C8orf34: variants seen among roughly 807,000 people sequenced by gnomAD.
C8orf34 encodes the protein uncharacterized protein C8orf34.
In C8orf34, 65 loss-of-function variants were observed where a neutral mutation model predicts 68.3. The ratio of observed to expected loss-of-function variants is 0.95; its 90% CI spans 0.78 to 1.17. The LOEUF (loss-of-function observed/expected upper bound fraction) is 1.17, where lower values mean the gene tolerates loss of function less well. C8orf34 is among the 50% of genes most tolerant of loss of function. The pLI, the probability that C8orf34 is intolerant of heterozygous loss-of-function variation, is 0.00. For missense variants in C8orf34, 664 were observed against 655.4 expected, an observed-to-expected ratio of 1.01 and a Z score of -0.14; for synonymous variants, 244 against 241.2, an observed-to-expected ratio of 1.01 and a Z score of -0.11.
intron 1 of C8orf34, among the ~76,000 whole-genome samples, chr8:68,418,338 A>G (rs1251910445): frequency 1.3e-5 from 2 of 151,368 alleles, no homozygotes; most frequent in Non-Finnish European, 2.9e-5. Flanking sequence ...TATGTTGAAT[A>G]GGAGTGGTGA....
At chr8:68,532,541 A>G (rs995769380) in intron 6 of C8orf34, among the ~76,000 whole-genome samples, 1 of 152,218 alleles carries the variant, frequency 6.6e-6, no homozygotes, top group Non-Finnish European at 1.5e-5. Flanking sequence ...TCAGACAACT[A>G]TATACACATA....
chr8:68,618,177 C>G (rs1028871063), intron 7 of C8orf34, among the ~76,000 whole-genome samples: 1 of 151,798 alleles, frequency 6.6e-6, no homozygotes, highest in South Asian at 2.1e-4. Context: ...TCTCTTTTTT[C>G]TTAGTAAAAT....
Position 68,776,384 on chromosome 8 carries a change from C to A in C8orf34, c.1405-15C>A. On this transcript the variant is annotated splice_polypyrimidine_tract_variant and intron_variant, in intron 10 of 13. Coordinates refer to ENST00000518698, the MANE Select transcript of C8orf34 (RefSeq NM_052958.4). ...TCTCCTGACCTTTTCAACCTCTCTTCCTCTTTACTTCTAGGGAGAAGCCTC... is the reference window on the plus strand; with the variant it reads ...TCTCCTGACCTTTTCAACCTCTCTTACTCTTTACTTCTAGGGAGAAGCCTC... The A allele has an allele frequency of 3.7e-6, 6 of 1,606,504 alleles. No homozygotes were observed. The highest frequency in any genetic ancestry group is 5.1e-6 in the Non-Finnish European group (6 of 1,173,412).
intron 7 of C8orf34, among the ~76,000 whole-genome samples, chr8:68,606,080 TA>T (rs1174124914): frequency 6.6e-6 from 1 of 152,108 alleles, no homozygotes; most frequent in African/African-American, 2.4e-5. Flanking sequence ...AAGTCAGGGA[TA>T]AAGCAAAATT....
chr8:68,702,348 G>A (rs377411221), intron 8 of C8orf34, among the ~76,000 whole-genome samples: 67 of 152,236 alleles, frequency 4.4e-4, no homozygotes, highest in African/African-American at 1.3e-3. Context: ...TTTACCCTAT[G>A]AGGCATATGA....
At chr8:68,639,037 C>G (rs1408391898) in intron 7 of C8orf34, among the ~76,000 whole-genome samples, 1 of 152,030 alleles carries the variant, frequency 6.6e-6, no homozygotes, top group Non-Finnish European at 1.5e-5. Context: ...AAGAGAGTAA[C>G]AGACTCTCAT....
At chr8:68,655,888 C>A (rs1819498383) in intron 8 of C8orf34, among the ~76,000 whole-genome samples, 1 of 152,170 alleles carries the variant, frequency 6.6e-6, no homozygotes, top group Admixed American at 6.5e-5. Flanking sequence ...GGTAATTATG[C>A]TGAATATCTA....
chr8:68,347,842 C>G (rs1321445693), intron 1 of C8orf34, among the ~76,000 whole-genome samples: 1 of 151,768 alleles, frequency 6.6e-6, no homozygotes, highest in Non-Finnish European at 1.5e-5. Context: ...TCAACTTCCT[C>G]ATAGATGCTG....
chr8:68,598,991 G>A (rs1490776457), intron 7 of C8orf34, among the ~76,000 whole-genome samples: 1 of 151,562 alleles, frequency 6.6e-6, no homozygotes, highest in African/African-American at 2.4e-5. Flanking sequence ...AATAGAAAAT[G>A]ACAATATGGT....
intron 10 of C8orf34, among the ~76,000 whole-genome samples, chr8:68,755,140 A>G (rs1822817875): frequency 6.6e-6 from 1 of 151,720 alleles, no homozygotes; most frequent in Admixed American, 6.6e-5. Flanking sequence ...CTTGCAGTAA[A>G]TATTTTGTAC....
intron 12 of C8orf34, among the ~76,000 whole-genome samples, chr8:68,800,352 T>A (rs1383066738): frequency 1.3e-5 from 2 of 152,160 alleles, no homozygotes. Flanking sequence ...TACAAAAGAC[T>A]GTAGAGTAAT....
intron 10 of C8orf34, among the ~76,000 whole-genome samples, chr8:68,750,114 C>G (rs1822658587): frequency 6.6e-6 from 1 of 152,018 alleles, no homozygotes; most frequent in African/African-American, 2.4e-5. Context: ...CAAGTCCACT[C>G]CTAGGAATAT....
intron 10 of C8orf34, among the ~76,000 whole-genome samples, chr8:68,743,412 G>T (rs541091535): frequency 6.6e-6 from 1 of 152,312 alleles, no homozygotes; most frequent in South Asian, 2.1e-4. Context: ...CAGCATGAGC[G>T]ACGCAGAAGA....
chr8:68,741,014 A>T (rs191956477), intron 10 of C8orf34, among the ~76,000 whole-genome samples: 1 of 152,038 alleles, frequency 6.6e-6, no homozygotes, highest in Admixed American at 6.6e-5. Flanking sequence ...TCACTTATAA[A>T]TGGGAGCTAA....
At chr8:68,564,124 C>A (rs1486237487) in intron 7 of C8orf34, among the ~76,000 whole-genome samples, 1 of 151,932 alleles carries the variant, frequency 6.6e-6, no homozygotes, top group African/African-American at 2.4e-5. Context: ...ATCTTTATGC[C>A]CTAAATTTGC....
chr8:68,352,920 A>G (rs183482605), intron 1 of C8orf34, among the ~76,000 whole-genome samples: 3 of 152,266 alleles, frequency 2.0e-5, no homozygotes, highest in African/African-American at 2.4e-5. Flanking sequence ...ATAAATATCC[A>G]TATACTCAAT....
intron 5 of C8orf34, among the ~76,000 whole-genome samples, chr8:68,503,058 A>G (rs575643746): frequency 1.3e-5 from 2 of 152,224 alleles, no homozygotes; most frequent in African/African-American, 4.8e-5. Flanking sequence ...AACAAAAAGC[A>G]TAAGAGAAAA....
chr8:68,411,828 T>C (rs1179743007), intron 1 of C8orf34, among the ~76,000 whole-genome samples: 1 of 152,210 alleles, frequency 6.6e-6, no homozygotes, highest in African/African-American at 2.4e-5. Context: ...GCTTTTATTT[T>C]CATGTGTGTT....
chr8:68,577,839 C>T (rs1816950229), intron 7 of C8orf34, among the ~76,000 whole-genome samples: 1 of 151,152 alleles, frequency 6.6e-6, no homozygotes, highest in Admixed American at 6.6e-5. Flanking sequence ...TTTTGTATTT[C>T]TGCTTAAAAA....
Sources: allele counts gnomAD v4.1 joint callset (sites outside exome capture counted in the v4.1 genomes callset), GRCh38; gene constraint gnomAD v4.1.1; transcripts MANE v1.5; gene names NCBI Gene and HGNC (gene_info 2026-07-23, HGNC 2026-07-21).